Variants in ZNF57 observed in about 807,000 individuals in gnomAD.
The protein encoded by ZNF57 is zinc finger protein 57.
ZNF57 carries 11 observed loss-of-function variants against 13.4 expected under a neutral mutation model. The ratio of observed to expected loss-of-function variants is 0.82; its 90% CI spans 0.52 to 1.36. The LOEUF is 1.36. Ranked by LOEUF, ZNF57 falls within the 40% of genes most tolerant of loss-of-function variation. The pLI, the probability that ZNF57 is intolerant of heterozygous loss-of-function variation, is 0.00. For synonymous variants in ZNF57, 224 were observed against 238.5 expected, an observed-to-expected ratio of 0.94 and a Z score of 0.56; for missense variants, 696 against 667.5, an observed-to-expected ratio of 1.04 and a Z score of -0.47.
At chr19:2,904,815 T>G (rs1227694036) in intron 1 of ZNF57, among the ~76,000 whole-genome samples, 1 of 152,186 alleles carries the variant, frequency 6.6e-6, no homozygotes, top group Non-Finnish European at 1.5e-5. Flanking sequence ...GTGCTGGGAT[T>G]ACAGGTGTGA....
chr19:2,917,807 C>A lies in ZNF57; in HGVS notation c.1186C>A (p.Gln396Lys). The A allele has an allele frequency of 1.9e-6, 3 of 1,604,386 alleles. No individual in the cohort carries two copies. The highest frequency in any genetic ancestry group is 2.6e-6 in the Non-Finnish European group (3 of 1,175,602). ...HTQEQLYKCE[Q>K]CGKAFTSSRS... ...GCAAGAGCAGCTCTATAAATGTGAA[C>A]AATGTGGGAAGGCTTTTACCTCTTC... is the stretch of plus-strand genomic sequence containing the variant. Residue 396 changes from glutamine (Q) to lysine (K), a missense_variant, in exon 4 of 4, where the codon CAA becomes AAA. Gln to Lys is a moderately conservative substitution (Grantham distance 53). Transcript: ENST00000306908.
intron 2 of ZNF57, 45 bp from the exon 3 acceptor site, chr19:2,916,033 T>C: frequency 6.3e-7 from 1 of 1,581,512 alleles, no homozygotes; most frequent in Non-Finnish European, 8.6e-7. Context: ...CTTTGCTTAA[T>C]ACGTGTCTTA....
chr19:2,917,361 C>A lies in ZNF57; in HGVS notation c.740C>A (p.Thr247Lys), dbSNP rs368461423. 2.7e-5 allele frequency: 44 copies of A among 1,614,076 alleles called. No individual in the cohort carries two copies. The highest frequency in any genetic ancestry group is 3.3e-5 in the Non-Finnish European group (39 of 1,180,048). Residue 247 changes from threonine to lysine, a missense_variant, in exon 4 of 4, where the codon ACA becomes AAA. This residue lies in a region of ZNF57 where 645 missense variants were observed against 591.5 expected (regional missense o/e 1.09). Transcript: ENST00000306908. ...TTCACTAGACATGTGAGAACTCACACAAAAGACAGGCCATATAAATGTCAG... is the reference window on the plus strand; with the variant it reads ...TTCACTAGACATGTGAGAACTCACAAAAAAGACAGGCCATATAAATGTCAG... ...ASFTRHVRTH[T>K]KDRPYKCQEC...
chr19:2,917,358 A>G lies in ZNF57; in HGVS notation c.737A>G (p.His246Arg). 1 of 1,614,236 alleles carries G rather than the reference A, an allele frequency of 6.2e-7. No homozygotes were observed. Among genetic ancestry groups the G allele is most frequent in the Non-Finnish European group, 8.5e-7 (1 of 1,180,042 alleles). ...FASFTRHVRT[H>R]TKDRPYKCQE... is the part of the protein sequence containing the mutation. ...AGCTTCACTAGACATGTGAGAACTC[A>G]CACAAAAGACAGGCCATATAAATGT... The change falls in exon 4 of 4, where the codon CAC (histidine) becomes CGC (arginine). Residue 246 changes from histidine to arginine, a missense_variant. This residue lies in a region of ZNF57 where 645 missense variants were observed against 591.5 expected (regional missense o/e 1.09). Coordinates refer to ENST00000306908, the MANE Select transcript of ZNF57 (RefSeq NM_173480.3).
At chr19:2,901,627 T>C (rs959944056) in intron 1 of ZNF57, among the ~76,000 whole-genome samples, 1 of 152,232 alleles carries the variant, frequency 6.6e-6, no homozygotes, top group South Asian at 2.1e-4. Context: ...TTCAAGCGAT[T>C]CTCCTGCCTC....
Position 2,917,171 on chromosome 19 carries a change from C to T in ZNF57, c.550C>T (p.His184Tyr), listed in dbSNP as rs753032881. The T allele has an allele frequency of 1.9e-6, 3 of 1,614,088 alleles. No individual in the cohort carries two copies. Among genetic ancestry groups the T allele is most frequent in the Non-Finnish European group, 2.5e-6 (3 of 1,180,042 alleles). Residue 184 changes from histidine (H) to tyrosine (Y), a missense_variant, in exon 4 of 4, where the codon CAC (histidine) becomes TAC (tyrosine). Transcript: ENST00000306908. Reference protein sequence around the residue: ...KQACICPSHLHSHGRTDTEEK... With the variant: ...KQACICPSHLYSHGRTDTEEK... ...GGCCTGCATTTGTCCCTCACACCTA[C>T]ACAGTCACGGAAGAACTGACACTGA...
chr19:2,911,532 CA>C (rs2088136149), intron 1 of ZNF57, among the ~76,000 whole-genome samples: 1 of 98,340 alleles, frequency 1.0e-5, no homozygotes, highest in East Asian at 3.7e-4. Context: ...GAGTCTGTCT[CA>C]AAAACAAAAA....
At chr19:2,906,792 T>C (rs937290840) in intron 1 of ZNF57, among the ~76,000 whole-genome samples, 16 of 152,246 alleles carry the variant, frequency 1.1e-4, no homozygotes, top group African/African-American at 1.7e-4. Flanking sequence ...GCCATAAGTA[T>C]CATTTCCATT....
intron 1 of ZNF57, among the ~76,000 whole-genome samples, chr19:2,910,672 C>G (rs138475189): frequency 0.04 from 4,562 of 113,232 alleles, 1,098 homozygotes; most frequent in African/African-American, 0.13. Flanking sequence ...ATGTTAGCCA[C>G]GATGGTCTCA....
rs978041545 is a variant in ZNF57, at chr19:2,916,127, G to A, written c.180G>A (p.Met60Ile). 1.2e-6 allele frequency: 2 copies of A among 1,613,788 alleles called. No individual in the cohort carries two copies. Among genetic ancestry groups the A allele is most frequent in the African/African-American group, 2.7e-5 (2 of 74,874 alleles). ...ATGGGTCAGTTTCTCTGCAGGATAT[G>A]TACGGGCAAGAAAAATCTAAGGAAC... ...KANGSVSLQD[M>I]YGQEKSKEQT... The change falls in exon 3 of 4, where the codon ATG becomes ATA. Residue 60 changes from methionine to isoleucine, a missense_variant. Physicochemically the swap from Met to Ile is conservative, Grantham distance 10. Coordinates refer to ENST00000306908, the MANE Select transcript of ZNF57 (RefSeq NM_173480.3).
chr19:2,914,200 G>A (rs140575706), intron 1 of ZNF57, among the ~76,000 whole-genome samples: 1 of 152,244 alleles, frequency 6.6e-6, no homozygotes, highest in East Asian at 1.9e-4. Flanking sequence ...AAAGAAAAAA[G>A]AATGGGTGTT....
Position 2,916,231 on chromosome 19 carries a change from A to C in ZNF57, c.284A>C (p.Asp95Ala). The change falls in exon 3 of 4, where the codon GAC (aspartate) becomes GCC (alanine). Residue 95 changes from aspartate (D) to alanine (A), a missense_variant. Coordinates refer to ENST00000306908, the MANE Select transcript of ZNF57 (RefSeq NM_173480.3). ...AATTGTGAAGGCTATGGCACTGAAG[A>C]CCACCACAAAAATCTGAGGTGAGTT... Reference protein sequence around the residue: ...EKNCEGYGTEDHHKNLRNHMV... With the variant: ...EKNCEGYGTEAHHKNLRNHMV... 6.2e-7 allele frequency: 1 copy of C among 1,607,446 alleles called. No individual in the cohort carries two copies. The highest frequency in any genetic ancestry group is 8.5e-7 in the Non-Finnish European group (1 of 1,177,684).
chr19:2,902,065 A>G (rs952357740), intron 1 of ZNF57, among the ~76,000 whole-genome samples: 1 of 151,304 alleles, frequency 6.6e-6, no homozygotes, highest in Admixed American at 6.6e-5. Flanking sequence ...CGTATCGTAC[A>G]AAGTACATTC....
At chr19:2,915,937 A>T in intron 2 of ZNF57, 141 bp from the exon 3 acceptor site, 1 of 1,006,336 alleles carries the variant, frequency 9.9e-7, no homozygotes, top group Non-Finnish European at 1.5e-6. Context: ...CCTGTGACTT[A>T]CTGTGTTTGT....
rs1395702951 is a variant in ZNF57 at position 2,910,722 on chromosome 19, A to C, written c.4-4800A>C. 3.5e-5 allele frequency among the ~76,000 whole-genome samples: 4 copies of C among 114,102 alleles called. 2 individuals are homozygous for C. Among genetic ancestry groups the C allele is most frequent in the African/African-American group, 1.2e-4 (4 of 33,738 alleles). The allele number at this position is 114,102 out of a possible 152,430, so 74.9% of individuals were successfully genotyped here. A position where few individuals can be genotyped will look rare whatever the true frequency, so the allele number is the denominator to read the frequency against. On this transcript the variant is annotated intron_variant, in intron 1 of 3. Transcript: ENST00000306908. ...TGATCTGCCCGCCTCGGCCTCCCGA[A>C]GTGTTGGGGTTACAGGCGTGAGCCA...
At chr19:2,906,242 TG>T (rs2088074503) in intron 1 of ZNF57, among the ~76,000 whole-genome samples, 1 of 152,266 alleles carries the variant, frequency 6.6e-6, no homozygotes, top group Non-Finnish European at 1.5e-5. Flanking sequence ...TTTATAGAGC[TG>T]GGGTCTTGCT....
chr19:2,915,970 C>T (rs1319091646), intron 2 of ZNF57, 108 bp from the exon 3 acceptor site: 11 of 1,257,312 alleles, frequency 8.7e-6, no homozygotes, highest in Non-Finnish European at 1.2e-5. Context: ...ATTTTGACCC[C>T]TTATGTCTGT....
At chr19:2,914,468 T>C (rs2144932345) in intron 1 of ZNF57, among the ~76,000 whole-genome samples, 1 of 152,288 alleles carries the variant, frequency 6.6e-6, no homozygotes, top group East Asian at 1.9e-4. Flanking sequence ...TTGGTCAGGC[T>C]GGTCTCAAAC....
At chr19:2,904,573 G>A (rs1420367719) in intron 1 of ZNF57, among the ~76,000 whole-genome samples, 2 of 151,822 alleles carry the variant, frequency 1.3e-5, no homozygotes, top group South Asian at 4.2e-4. Context: ...ACAGAGTTTC[G>A]CTCTGTGGCC....
Sources: gnomAD v4.1 joint callset for allele counts (sites outside exome capture counted in the v4.1 genomes callset) on GRCh38, gnomAD v4.1.1 for gene constraint, gnomAD v4.1.1 regional missense constraint, MANE v1.5 for transcripts, NCBI Gene and HGNC (gene_info 2026-07-23, HGNC 2026-07-21) for gene names.